DDC: variants seen among roughly 807,000 people sequenced by gnomAD.
DDC encodes dopa decarboxylase.
In DDC, 43 loss-of-function variants were observed where a neutral mutation model predicts 60.0. That is an observed-to-expected ratio of 0.72 (90% confidence interval 0.56 to 0.92). The LOEUF is 0.92. Ranked by LOEUF, DDC falls within the 40% of genes least tolerant of loss-of-function variation. DDC has a pLI of 0.00. For missense variants in DDC, 573 were observed against 620.2 expected (o/e 0.92, Z 0.81); for synonymous variants, 232 against 234.6 (o/e 0.99, Z 0.10).
chr7:50,516,369 T>C (rs559436070), intron 6 of DDC, among the ~76,000 whole-genome samples: 57 of 152,280 alleles, frequency 3.7e-4, no homozygotes, highest in African/African-American at 1.3e-3. Flanking sequence ...TTAAAAATTC[T>C]TCAAACAGAA....
At chr7:50,501,306 G>A (rs1438326234) in intron 7 of DDC, among the ~76,000 whole-genome samples, 1 of 152,154 alleles carries the variant, frequency 6.6e-6, no homozygotes, top group Non-Finnish European at 1.5e-5. Flanking sequence ...CTCACACCTT[G>A]AGATGGCCTC....
chr7:50,517,109 C>G (rs2043754630), intron 6 of DDC, among the ~76,000 whole-genome samples: 1 of 152,066 alleles, frequency 6.6e-6, no homozygotes, highest in Admixed American at 6.5e-5. Flanking sequence ...CAGGAAAGGA[C>G]ATAACCAAAA....
At chr7:50,507,395 T>C (rs970651953) in intron 6 of DDC, among the ~76,000 whole-genome samples, 4 of 152,128 alleles carry the variant, frequency 2.6e-5, no homozygotes, top group African/African-American at 9.7e-5. Flanking sequence ...CACATCCAGC[T>C]AATTTTTTGT....
At chr7:50,526,576 A>T (rs2044042309) in intron 6 of DDC, among the ~76,000 whole-genome samples, 2 of 152,238 alleles carry the variant, frequency 1.3e-5, no homozygotes, top group South Asian at 4.1e-4. Context: ...ATAATAGTTG[A>T]GCCAAATAAA....
At chr7:50,479,443 T>C (rs11575464) in intron 10 of DDC, among the ~76,000 whole-genome samples, 6,960 of 152,350 alleles carry the variant, frequency 0.046, 202 homozygotes, top group Middle Eastern at 0.075. Flanking sequence ...TTGTAGACAT[T>C]ATGGCTGTCA....
chr7:50,460,124 G>A (rs1393368678), intron 14 of DDC, among the ~76,000 whole-genome samples: 11 of 138,386 alleles, frequency 7.9e-5, no homozygotes, highest in African/African-American at 2.3e-4. Flanking sequence ...CTGCCCGGCC[G>A]CCCCTACTGG....
At chr7:50,464,712 G>T (rs958984004) in intron 13 of DDC, among the ~76,000 whole-genome samples, 1 of 152,220 alleles carries the variant, frequency 6.6e-6, no homozygotes, top group African/African-American at 2.4e-5. Flanking sequence ...AGTGCACACA[G>T]ATGGAGACCA....
At chr7:50,474,622 G>GT (rs1396460972) in intron 11 of DDC, among the ~76,000 whole-genome samples, 1 of 152,224 alleles carries the variant, frequency 6.6e-6, no homozygotes, top group Non-Finnish European at 1.5e-5. Flanking sequence ...AGCTGGGCTG[G>GT]TTTTTGTCTT....
At position 50,468,483 on chromosome 7, in the gene DDC, C is replaced by T. The variant is rs113673853; in HGVS notation, c.1141-1168G>A. Among the ~76,000 whole-genome samples, 105 of 152,282 alleles carry T rather than the reference C, an allele frequency of 6.9e-4. 1 individual carries two copies. The highest frequency in any genetic ancestry group is 2.5e-3 in the African/African-American group (104 of 41,560). ...CAAATGGGTAGAGGGGGATTTCCTA[C>T]CCAGGAATTCATATACATACTCCTT... On this transcript the variant is annotated intron_variant, in intron 12 of 14. Transcript: ENST00000444124.
intron 9 of DDC, chr7:50,492,576 T>C: frequency 5.0e-6 from 3 of 605,974 alleles, no homozygotes; most frequent in Non-Finnish European, 6.5e-6. Flanking sequence ...TGTCGCCCAC[T>C]CCAGAGGATG....
At chr7:50,493,577 A>G (rs76596115) in intron 9 of DDC, among the ~76,000 whole-genome samples, 2,896 of 152,302 alleles carry the variant, frequency 0.019, 167 homozygotes, top group Admixed American at 0.12. Flanking sequence ...CACGGTGCAA[A>G]CTGTCCTCAC....
intron 4 of DDC, among the ~76,000 whole-genome samples, chr7:50,537,281 C>G (rs966330008): frequency 6.6e-6 from 1 of 152,202 alleles, no homozygotes; most frequent in East Asian, 1.9e-4. Flanking sequence ...GTATTTATAG[C>G]CTCTGAAGCC....
At chr7:50,461,808 G>A (rs2042279913) in intron 14 of DDC, among the ~76,000 whole-genome samples, 1 of 152,174 alleles carries the variant, frequency 6.6e-6, no homozygotes, top group South Asian at 2.1e-4. Flanking sequence ...TACCACTTTG[G>A]AGTTGCTCTG....
chr7:50,548,597 G>GA (rs1160849056), intron 1 of DDC, among the ~76,000 whole-genome samples: 1 of 152,158 alleles, frequency 6.6e-6, no homozygotes, highest in Admixed American at 6.5e-5. Context: ...GAAAGTTGCA[G>GA]AAAAAATGCC....
intron 9 of DDC, among the ~76,000 whole-genome samples, chr7:50,491,395 T>G (rs1024349606): frequency 6.6e-6 from 1 of 152,186 alleles, no homozygotes; most frequent in African/African-American, 2.4e-5. Flanking sequence ...CTGCTAAAAA[T>G]GAGCTTTCCT....
intron 9 of DDC, among the ~76,000 whole-genome samples, chr7:50,488,368 T>C (rs1487610033): frequency 6.6e-6 from 1 of 151,900 alleles, no homozygotes; most frequent in African/African-American, 2.4e-5. Context: ...TTAAAGGTCG[T>C]TTCTAAAACA....
At chr7:50,560,112 G>T (rs1273575390) in intron 1 of DDC, among the ~76,000 whole-genome samples, 1 of 152,168 alleles carries the variant, frequency 6.6e-6, no homozygotes, top group Non-Finnish European at 1.5e-5. Flanking sequence ...GTCACCGCAC[G>T]CTGCCAGCAG....
chr7:50,507,527 C>G (rs2043434880), intron 6 of DDC, among the ~76,000 whole-genome samples: 1 of 152,182 alleles, frequency 6.6e-6, no homozygotes, highest in Admixed American at 6.5e-5. Context: ...CCACCATGCC[C>G]AGCCAATAAC....
intron 6 of DDC, among the ~76,000 whole-genome samples, chr7:50,515,919 T>C (rs1435046913): frequency 6.6e-6 from 1 of 152,106 alleles, no homozygotes; most frequent in Non-Finnish European, 1.5e-5. Context: ...AGTTCCCAAA[T>C]TGATCAAACA....
Sources: allele counts gnomAD v4.1 joint callset (sites outside exome capture counted in the v4.1 genomes callset), GRCh38; gene constraint gnomAD v4.1.1; transcripts MANE v1.5; gene names NCBI Gene and HGNC (gene_info 2026-07-23, HGNC 2026-07-21).